TLN2: variants seen among roughly 807,000 people sequenced by gnomAD.
TLN2 encodes talin 2.
TLN2 carries 118 observed loss-of-function variants against 294.7 expected under a neutral mutation model. That is an observed-to-expected ratio of 0.40 (90% CI 0.34 to 0.47). The LOEUF is 0.47. TLN2 is among the 20% of genes least tolerant of loss of function. TLN2 has a pLI of 0.84. For synonymous variants in TLN2, 1,431 were observed against 1,304.5 expected (o/e 1.10, Z -2.09); for missense variants, 3,083 against 3,282.2 (o/e 0.94, Z 1.48).
intron 16 of TLN2, 119 bp downstream of exon 16, chr15:62,698,986 A>G: frequency 1.0e-6 from 1 of 955,536 alleles, no homozygotes; most frequent in Non-Finnish European, 1.6e-6. Context: ...GAAACCCATG[A>G]TTTTTTCAGG....
chr15:62,686,547 G>A, intron 11 of TLN2, 94 bp from the exon 12 acceptor site: 1 of 1,417,306 alleles, frequency 7.1e-7, no homozygotes, highest in East Asian at 2.5e-5. Flanking sequence ...GAAAGACAGT[G>A]TATGCAGGTG....
intron 54 of TLN2, chr15:62,831,434 A>G (rs1031903914): frequency 6.6e-6 from 1 of 152,096 alleles, no homozygotes; most frequent in Non-Finnish European, 1.5e-5. Flanking sequence ...ATGAATTTCC[A>G]GAAAAGCTCT....
At chr15:62,651,376 TCTAGGTGACA>T (rs949928401) in intron 5 of TLN2, among the ~76,000 whole-genome samples, 1 of 151,920 alleles carries the variant, frequency 6.6e-6, no homozygotes, top group African/African-American at 2.4e-5. Flanking sequence ...TGAAGGTGAC[TCTAGGTGACA>T]GATATAGAAT....
At chr15:62,836,325 C>T (rs2069572950) in intron 57 of TLN2, among the ~76,000 whole-genome samples, 1 of 152,366 alleles carries the variant, frequency 6.6e-6, no homozygotes, top group Admixed American at 6.5e-5. Context: ...CCCAGCAGAC[C>T]CCTACTTGTC....
At chr15:62,760,452 A>G (rs559330483) in intron 37 of TLN2, among the ~76,000 whole-genome samples, 8 of 152,028 alleles carry the variant, frequency 5.3e-5, no homozygotes, top group East Asian at 1.9e-4. Context: ...TTTTATCCCA[A>G]TTGTCTAAAT....
At chr15:62,482,891 T>G (rs796478182) in intron 1 of TLN2, among the ~76,000 whole-genome samples, 23 of 152,288 alleles carry the variant, frequency 1.5e-4, no homozygotes, top group African/African-American at 4.8e-4. Context: ...CCCTGAGGGC[T>G]TCTCTTTCTG....
chr15:62,594,728 C>T (rs1011537037), intron 2 of TLN2, among the ~76,000 whole-genome samples: 1 of 152,204 alleles, frequency 6.6e-6, no homozygotes, highest in Admixed American at 6.5e-5. Flanking sequence ...AAGGGAAAAG[C>T]TCTGTGACAT....
At chr15:62,459,826 T>TCAC (rs1273651499) in intron 1 of TLN2, among the ~76,000 whole-genome samples, 104 of 152,296 alleles carry the variant, frequency 6.8e-4, no homozygotes, top group African/African-American at 2.2e-3. Context: ...GGTCCTAAGC[T>TCAC]TTGGGGTGAG....
At chr15:62,740,501 G>T (rs1386107849) in intron 31 of TLN2, 129 bp from the exon 32 acceptor site, 9 of 1,221,072 alleles carry the variant, frequency 7.4e-6, no homozygotes, top group Non-Finnish European at 1.0e-5. Flanking sequence ...GCATCTGCGG[G>T]CTAACTGGGT....
chr15:62,578,321 C>T (rs1596215845), intron 1 of TLN2, among the ~76,000 whole-genome samples: 1 of 152,182 alleles, frequency 6.6e-6, no homozygotes, highest in South Asian at 2.1e-4. Context: ...AATCTCAGCA[C>T]TTTGGAAGGC....
intron 1 of TLN2, among the ~76,000 whole-genome samples, chr15:62,485,573 C>G (rs1356056794): frequency 6.6e-6 from 1 of 152,188 alleles, no homozygotes; most frequent in Non-Finnish European, 1.5e-5. Flanking sequence ...AGAGCTTGAC[C>G]TTGCTCTGGA....
chr15:62,524,228 A>C (rs1484313133), intron 1 of TLN2, among the ~76,000 whole-genome samples: 2 of 152,188 alleles, frequency 1.3e-5, no homozygotes, highest in African/African-American at 4.8e-5. Context: ...CTGGGAAATA[A>C]AACTGTCTTA....
At position 62,806,792 on chromosome 15, in the gene TLN2, C is replaced by T. The variant is rs557851900; in HGVS notation, c.6663+1007C>T. Among the ~76,000 whole-genome samples the T allele has an allele frequency of 1.2e-4, 19 of 152,284 alleles. No homozygotes were observed. The South Asian group carries it at 2.9e-3, about 23-fold the overall frequency. ...TCTGCTCAGCAATCAATTGATGATCCGCTGCCATGGTGAGTGAGGGCAGAA... is the reference window on the plus strand; with the variant it reads ...TCTGCTCAGCAATCAATTGATGATCTGCTGCCATGGTGAGTGAGGGCAGAA... On this transcript the variant is annotated intron_variant, in intron 51 of 58. Coordinates refer to ENST00000636159, the MANE Select transcript of TLN2 (RefSeq NM_015059.3).
intron 1 of TLN2, among the ~76,000 whole-genome samples, chr15:62,562,695 T>C (rs941746220): frequency 3.9e-5 from 6 of 152,010 alleles, no homozygotes; most frequent in Admixed American, 1.3e-4. Context: ...CCTCACCCAC[T>C]TCCCACCCTT....
At chr15:62,751,969 C>T (rs761354342) in intron 34 of TLN2, among the ~76,000 whole-genome samples, 2 of 152,252 alleles carry the variant, frequency 1.3e-5, no homozygotes, top group Admixed American at 6.5e-5. Context: ...ACCTACAGCT[C>T]GATGCATATG....
intron 1 of TLN2, among the ~76,000 whole-genome samples, chr15:62,539,831 T>G (rs2041571416): frequency 6.6e-6 from 1 of 150,944 alleles, no homozygotes; most frequent in Non-Finnish European, 1.5e-5. Flanking sequence ...AAACACTAAC[T>G]GAAGACATAC....
At chr15:62,657,305 G>A (rs1447372904) in intron 8 of TLN2, among the ~76,000 whole-genome samples, 1 of 152,008 alleles carries the variant, frequency 6.6e-6, no homozygotes, top group African/African-American at 2.4e-5. Flanking sequence ...TGTGCCTATC[G>A]CCTTTCTTTC....
At chr15:62,635,546 A>C (rs1179012575) in intron 3 of TLN2, among the ~76,000 whole-genome samples, 1 of 152,206 alleles carries the variant, frequency 6.6e-6, no homozygotes, top group African/African-American at 2.4e-5. Context: ...TACATATTGG[A>C]AGGAAATGTG....
rs529075856 is a variant in TLN2 at position 62,424,952 on chromosome 15, C to CT, written c.-238+34285dup. Among the ~76,000 whole-genome samples the CT allele has an allele frequency of 7.0e-3, 908 of 129,244 alleles. 7 individuals are homozygous for CT. The highest frequency in any genetic ancestry group is 0.019 in the African/African-American group (637 of 34,004). 84.8% of individuals were successfully genotyped at this position (129,244 alleles called of 152,430 possible). ...ACAGGCATGAGCCACCGTGCCTGGC[C>CT]TTTTTTTTTTTTTTTTTTAAGAGAT... On this transcript the variant is annotated intron_variant, in intron 1 of 58. Coordinates refer to ENST00000636159, the MANE Select transcript of TLN2 (RefSeq NM_015059.3).
Sources: gnomAD v4.1 joint callset for allele counts (sites outside exome capture counted in the v4.1 genomes callset) on GRCh38, gnomAD v4.1.1 for gene constraint, MANE v1.5 for transcripts, NCBI Gene and HGNC (gene_info 2026-07-23, HGNC 2026-07-21) for gene names.